LSAMP: variants seen among roughly 807,000 people sequenced by gnomAD.
The protein encoded by LSAMP is limbic system-associated membrane protein.
A neutral mutation model predicts 38.6 loss-of-function variants in LSAMP; 7 were observed. That is an observed-to-expected ratio of 0.18 (90% confidence interval 0.10 to 0.34). LSAMP has a LOEUF of 0.34. Ranked by LOEUF, LSAMP falls within the 10% of genes least tolerant of loss-of-function variation. The probability of loss-of-function intolerance (pLI) is 1.00; values close to 1 mark genes in which losing one functional copy is unlikely to be tolerated. For missense variants in LSAMP, 313 were observed against 420.0 expected (o/e 0.75, Z 2.23); for synonymous variants, 154 against 166.8 (o/e 0.92, Z 0.59).
chr3:115,852,444 C>G lies in LSAMP; in HGVS notation c.649+39G>C, dbSNP rs777352048. 9.5e-6 allele frequency: 15 copies of G among 1,575,540 alleles called. No homozygotes were observed. In the South Asian group the frequency reaches 1.2e-4, roughly 12 times the overall value. ...GAGCTCACTGGAGGTAGAGGTGCACCCTGGGCACCTAGCACCTGCTGGCTC... is the reference window on the plus strand; with the variant it reads ...GAGCTCACTGGAGGTAGAGGTGCACGCTGGGCACCTAGCACCTGCTGGCTC... On this transcript the variant is annotated intron_variant, in intron 4 of 6. Transcript: ENST00000490035.
chr3:115,969,469 T>C (rs1448435131), intron 3 of LSAMP, among the ~76,000 whole-genome samples: 1 of 152,180 alleles, frequency 6.6e-6, no homozygotes, highest in Non-Finnish European at 1.5e-5. Flanking sequence ...AGAGCACTTC[T>C]TCCTCTGCTT....
chr3:116,063,081 C>T (rs927650289), intron 2 of LSAMP, among the ~76,000 whole-genome samples: 1 of 152,000 alleles, frequency 6.6e-6, no homozygotes, highest in Non-Finnish European at 1.5e-5. Context: ...TCCTTATGTA[C>T]ATACATATTG....
intron 1 of LSAMP, among the ~76,000 whole-genome samples, chr3:116,119,740 C>A (rs1389051370): frequency 6.6e-6 from 1 of 150,794 alleles, no homozygotes; most frequent in Non-Finnish European, 1.5e-5. Context: ...CTCACTGCAA[C>A]CTTTGCCACC....
intron 3 of LSAMP, among the ~76,000 whole-genome samples, chr3:115,951,722 A>G (rs1938295900): frequency 6.6e-6 from 1 of 152,076 alleles, no homozygotes; most frequent in African/African-American, 2.4e-5. Context: ...CCTGCCCTCA[A>G]ACATTGGACT....
At chr3:116,224,195 A>G (rs750058156) in intron 1 of LSAMP, among the ~76,000 whole-genome samples, 7 of 152,200 alleles carry the variant, frequency 4.6e-5, no homozygotes, top group African/African-American at 7.2e-5. Flanking sequence ...AGGAACAACT[A>G]TTCATGTTAT....
At chr3:116,348,170 C>T (rs1424283018) in intron 1 of LSAMP, among the ~76,000 whole-genome samples, 4 of 151,944 alleles carry the variant, frequency 2.6e-5, no homozygotes, top group African/African-American at 9.7e-5. Flanking sequence ...GGCAATTTTA[C>T]AATTGAATAA....
At chr3:116,022,718 C>T (rs932760366) in intron 2 of LSAMP, among the ~76,000 whole-genome samples, 13 of 152,138 alleles carry the variant, frequency 8.5e-5, no homozygotes, top group Non-Finnish European at 1.6e-4. Context: ...TCATCTCAAT[C>T]TATACATTCA....
At chr3:116,329,189 C>G (rs181093988) in intron 1 of LSAMP, among the ~76,000 whole-genome samples, 2 of 152,146 alleles carry the variant, frequency 1.3e-5, no homozygotes, top group East Asian at 3.9e-4. Context: ...GTGCTAAGCA[C>G]TGAATGCACA....
chr3:116,357,769 TAATA>T (rs1269414319), intron 1 of LSAMP, among the ~76,000 whole-genome samples: 1 of 151,986 alleles, frequency 6.6e-6, no homozygotes, highest in African/African-American at 2.4e-5. Flanking sequence ...TATAAGTAAA[TAATA>T]AATAAACCCT....
intron 1 of LSAMP, among the ~76,000 whole-genome samples, chr3:116,254,011 A>G (rs2107651447): frequency 6.6e-6 from 1 of 152,272 alleles, no homozygotes. Context: ...TTATCTTCTA[A>G]CGTCCAGTAG....
At chr3:115,932,743 A>C (rs1246308720) in intron 3 of LSAMP, among the ~76,000 whole-genome samples, 1 of 132,518 alleles carries the variant, frequency 7.5e-6, no homozygotes. Context: ...TAGTCATTTT[A>C]AAAAATGATA....
chr3:116,334,267 A>C (rs1173351918), intron 1 of LSAMP, among the ~76,000 whole-genome samples: 1 of 152,110 alleles, frequency 6.6e-6, no homozygotes, highest in Admixed American at 6.6e-5. Context: ...TCTTCTAAGA[A>C]ATAAAAACCC....
chr3:116,155,757 C>G (rs1709733072), intron 1 of LSAMP, among the ~76,000 whole-genome samples: 1 of 151,894 alleles, frequency 6.6e-6, no homozygotes, highest in Admixed American at 6.6e-5. Flanking sequence ...TTTTTTACCT[C>G]TATATTTCTA....
intron 1 of LSAMP, among the ~76,000 whole-genome samples, chr3:116,229,483 C>A (rs993918468): frequency 1.1e-4 from 17 of 152,074 alleles, no homozygotes; most frequent in African/African-American, 3.9e-4. Context: ...TTAATTCAGT[C>A]GTTCGGAACT....
intron 1 of LSAMP, among the ~76,000 whole-genome samples, chr3:116,215,111 CATTGTCCTT>C (rs1190369356): frequency 6.6e-6 from 1 of 152,160 alleles, no homozygotes; most frequent in Non-Finnish European, 1.5e-5. Context: ...AAAGAGAGGA[CATTGTCCTT>C]ATTCTCAAAA....
chr3:116,276,340 T>C (rs2047051290), intron 1 of LSAMP, among the ~76,000 whole-genome samples: 1 of 152,202 alleles, frequency 6.6e-6, no homozygotes, highest in African/African-American at 2.4e-5. Flanking sequence ...TCAGAACGTA[T>C]AGATTGTTTT....
intron 1 of LSAMP, among the ~76,000 whole-genome samples, chr3:116,126,271 C>T (rs1006141672): frequency 6.6e-6 from 1 of 152,118 alleles, no homozygotes; most frequent in Admixed American, 6.5e-5. Context: ...ACATGACCAC[C>T]CTAGGTACCA....
At chr3:115,909,192 A>G (rs1171840275) in intron 3 of LSAMP, among the ~76,000 whole-genome samples, 1 of 152,192 alleles carries the variant, frequency 6.6e-6, no homozygotes, top group Non-Finnish European at 1.5e-5. Flanking sequence ...TTCTTCAGGC[A>G]TCCCAAAGAC....
intron 3 of LSAMP, among the ~76,000 whole-genome samples, chr3:115,903,424 C>A (rs1559874188): frequency 6.6e-6 from 1 of 151,928 alleles, no homozygotes; most frequent in African/African-American, 2.4e-5. Context: ...GTAATCTGTA[C>A]AACAAACCCC....
Sources: gnomAD v4.1 joint callset for allele counts (sites outside exome capture counted in the v4.1 genomes callset) on GRCh38, gnomAD v4.1.1 for gene constraint, MANE v1.5 for transcripts, NCBI Gene and HGNC (gene_info 2026-07-23, HGNC 2026-07-21) for gene names.